HHAT: variants seen among roughly 807,000 people sequenced by gnomAD.
The protein encoded by HHAT is hedgehog acyltransferase.
A neutral mutation model predicts 70.8 loss-of-function variants in HHAT; 47 were observed. That is an observed-to-expected ratio of 0.66 (90% CI 0.53 to 0.85). The LOEUF (loss-of-function observed/expected upper bound fraction) is 0.85. Among genes scored for constraint, HHAT ranks in the 40% least tolerant of loss-of-function variants. The pLI is 0.00. For missense variants in HHAT, 609 were observed against 604.8 expected (o/e 1.01, Z -0.07); for synonymous variants, 228 against 247.6 (o/e 0.92, Z 0.74).
intron 7 of HHAT, chr1:210,462,477 C>G (rs1247820480): frequency 1.3e-5 from 2 of 152,176 alleles, no homozygotes; most frequent in Non-Finnish European, 2.9e-5. Flanking sequence ...TGATCACATG[C>G]CCTTCAAGTA....
At chr1:210,458,544 G>A (rs1313363819) in intron 7 of HHAT, among the ~76,000 whole-genome samples, 1 of 152,084 alleles carries the variant, frequency 6.6e-6, no homozygotes, top group African/African-American at 2.4e-5. Context: ...GATGGGTAAT[G>A]GCACTTTAAG....
intron 8 of HHAT, among the ~76,000 whole-genome samples, chr1:210,483,343 G>A (rs1448094626): frequency 1.3e-5 from 2 of 152,168 alleles, no homozygotes; most frequent in African/African-American, 4.8e-5. Flanking sequence ...TTCTGCATTT[G>A]TTTAGAAGAG....
chr1:210,476,012 C>T (rs1249546297), intron 8 of HHAT, among the ~76,000 whole-genome samples: 1 of 152,212 alleles, frequency 6.6e-6, no homozygotes. Flanking sequence ...CATTTAAATC[C>T]TAATCCTCTT....
chr1:210,382,786 T>C (rs763742427), intron 3 of HHAT, among the ~76,000 whole-genome samples: 27 of 152,026 alleles, frequency 1.8e-4, no homozygotes, highest in Non-Finnish European at 3.8e-4. Context: ...ATAAATGAGG[T>C]GCACTCTAGG....
rs1018503283 is a variant in HHAT, at chr1:210,451,347, G to T, written c.857-13158G>T. 4.6e-5 allele frequency among the ~76,000 whole-genome samples: 7 copies of T among 152,094 alleles called. 1 individual carries two copies. The highest frequency in any genetic ancestry group is 1.0e-4 in the Non-Finnish European group (7 of 68,012). ...ATAAGATTTCTCTTTGAAATTCCCT[G>T]CATGTTCTCTTTTTGGATAACTCAG... On this transcript the variant is annotated intron_variant, in intron 7 of 11. Transcript: ENST00000261458.
At chr1:210,601,265 T>G (rs1664203207) in intron 10 of HHAT, among the ~76,000 whole-genome samples, 1 of 152,196 alleles carries the variant, frequency 6.6e-6, no homozygotes, top group Non-Finnish European at 1.5e-5. Flanking sequence ...GGTTATTTGA[T>G]TCTATGGAAT....
chr1:210,343,958 T>C (rs2086267265), intron 1 of HHAT, among the ~76,000 whole-genome samples: 1 of 152,196 alleles, frequency 6.6e-6, no homozygotes, highest in Non-Finnish European at 1.5e-5. Context: ...CTAAGCATTT[T>C]ACATTTAACC....
intron 10 of HHAT, among the ~76,000 whole-genome samples, chr1:210,607,896 A>G (rs557565790): frequency 6.6e-5 from 10 of 152,210 alleles, no homozygotes; most frequent in South Asian, 4.2e-4. Flanking sequence ...AACCATTATT[A>G]TCAGTTCGAA....
At chr1:210,606,438 T>C (rs1350290782) in intron 10 of HHAT, among the ~76,000 whole-genome samples, 2 of 152,080 alleles carry the variant, frequency 1.3e-5, no homozygotes, top group African/African-American at 4.8e-5. Flanking sequence ...GATTCTCCAA[T>C]AGAACTAGAA....
chr1:210,431,025 C>T (rs2093227177), intron 7 of HHAT, among the ~76,000 whole-genome samples: 1 of 152,034 alleles, frequency 6.6e-6, no homozygotes, highest in African/African-American at 2.4e-5. Flanking sequence ...TGTCAGTTCT[C>T]ACCCATATTT....
intron 9 of HHAT, among the ~76,000 whole-genome samples, chr1:210,565,921 G>A (rs192535187): frequency 9.8e-5 from 15 of 152,332 alleles, no homozygotes; most frequent in African/African-American, 3.1e-4. Flanking sequence ...GGGTCTCTGG[G>A]CAAGACGGCC....
intron 10 of HHAT, among the ~76,000 whole-genome samples, chr1:210,602,336 T>C (rs537114284): frequency 6.6e-6 from 1 of 152,210 alleles, no homozygotes; most frequent in Non-Finnish European, 1.5e-5. Context: ...CCCCTGATGT[T>C]CATGGTGGTC....
intron 9 of HHAT, among the ~76,000 whole-genome samples, chr1:210,580,887 C>T (rs376018227): frequency 8.5e-5 from 13 of 152,098 alleles, no homozygotes; most frequent in African/African-American, 2.4e-4. Flanking sequence ...TCTAGATCCT[C>T]GAAGAATTGC....
At chr1:210,438,038 T>G (rs2148347522) in intron 7 of HHAT, among the ~76,000 whole-genome samples, 1 of 151,978 alleles carries the variant, frequency 6.6e-6, no homozygotes. Context: ...CAGAGCTGTT[T>G]CCCCTCCTCT....
At chr1:210,598,526 C>T (rs1663527815) in intron 10 of HHAT, among the ~76,000 whole-genome samples, 2 of 152,170 alleles carry the variant, frequency 1.3e-5, no homozygotes, top group African/African-American at 4.8e-5. Context: ...ATGGATGCTT[C>T]CCCTCTGACT....
chr1:210,467,854 GC>G (rs1178009929), intron 8 of HHAT, among the ~76,000 whole-genome samples: 1 of 152,112 alleles, frequency 6.6e-6, no homozygotes, highest in Non-Finnish European at 1.5e-5. Flanking sequence ...TCATCTTTCA[GC>G]CTACTTAGCA....
intron 9 of HHAT, among the ~76,000 whole-genome samples, chr1:210,516,364 C>A (rs1350663287): frequency 2.0e-5 from 3 of 152,056 alleles, no homozygotes; most frequent in Non-Finnish European, 2.9e-5. Context: ...TATTTAGCCA[C>A]CAGAAGGTCT....
intron 8 of HHAT, among the ~76,000 whole-genome samples, chr1:210,487,470 A>T (rs1441681543): frequency 3.3e-5 from 5 of 152,188 alleles, no homozygotes; most frequent in Admixed American, 2.6e-4. Flanking sequence ...AGGGAAGTTC[A>T]CAGTGGTTGC....
chr1:210,600,590 CAG>C (rs1413784589), intron 10 of HHAT, among the ~76,000 whole-genome samples: 5 of 152,268 alleles, frequency 3.3e-5, no homozygotes, highest in African/African-American at 1.2e-4. Context: ...CACTGAGGCA[CAG>C]AGCTGTAGGA....
Sources: allele counts gnomAD v4.1 joint callset (sites outside exome capture counted in the v4.1 genomes callset), GRCh38; gene constraint gnomAD v4.1.1; transcripts MANE v1.5; gene names NCBI Gene and HGNC (gene_info 2026-07-23, HGNC 2026-07-21).